Variants in NME7 observed in about 807,000 individuals in gnomAD.
NME7 encodes nucleoside diphosphate kinase 7.
A neutral mutation model predicts 49.1 loss-of-function variants in NME7; 41 were observed. The observed-to-expected ratio is 0.83, with a 90% confidence interval of 0.65 to 1.08. NME7 has a LOEUF of 1.08. Among genes scored for constraint, NME7 ranks in the 50% least tolerant of loss-of-function variants. The probability of loss-of-function intolerance (pLI) is 0.00; values close to 1 mark genes in which losing one functional copy is unlikely to be tolerated. For missense variants in NME7, 423 were observed against 463.4 expected (o/e 0.91, Z 0.80); for synonymous variants, 139 against 150.6 (o/e 0.92, Z 0.56).
Position 169,230,783 on chromosome 1 carries a change from C to T in NME7, c.925G>A (p.Ala309Thr). 1 of 1,607,070 alleles carries T rather than the reference C, an allele frequency of 6.2e-7. No individual in the cohort carries two copies. Among genetic ancestry groups the T allele is most frequent in the Non-Finnish European group, 8.5e-7 (1 of 1,176,958 alleles). Residue 309 changes from alanine (A) to threonine (T), a missense_variant, in exon 10 of 12, where the codon GCA (alanine) becomes ACA (threonine). By Grantham distance (58) the Ala-to-Thr change is moderately conservative (BLOSUM62 0). Coordinates refer to ENST00000367811, the MANE Select transcript of NME7 (RefSeq NM_013330.5). ...GCATTATTCTGTTGAATCTCCATTG[C>T]TACACAAGGGCCAGAATACATTTCT... ...VTEMYSGPCV[A>T]MEIQQNNATK... is the part of the protein sequence containing the mutation.
At chr1:169,289,158 C>A (rs145452004) in intron 6 of NME7, among the ~76,000 whole-genome samples, 2 of 152,214 alleles carry the variant, frequency 1.3e-5, no homozygotes, top group Non-Finnish European at 2.9e-5. Flanking sequence ...TTATTCTCAG[C>A]CCTCACCTTA....
rs1649627218 is a variant in NME7 at position 169,274,636 on chromosome 1, T to C, written c.754+12667A>G. 2.2e-5 allele frequency among the ~76,000 whole-genome samples: 3 copies of C among 133,884 alleles called. 1 individual carries two copies. The highest frequency in any genetic ancestry group is 7.6e-5 in the African/African-American group (3 of 39,550). The allele number at this position is 133,884 out of a possible 152,430, so 87.8% of individuals were successfully genotyped here. Reference sequence around the variant, plus strand: ...AAGTCTTTAATCCATCTTGAATTAATTTTTGTATAAGGTGTAAGGAAGGGA... The same window carrying C: ...AAGTCTTTAATCCATCTTGAATTAACTTTTGTATAAGGTGTAAGGAAGGGA... On this transcript the variant is annotated intron_variant, in intron 7 of 11. Transcript: ENST00000367811.
chr1:169,279,731 T>A (rs1021913375), intron 7 of NME7, among the ~76,000 whole-genome samples: 1 of 152,352 alleles, frequency 6.6e-6, no homozygotes, highest in Non-Finnish European at 1.5e-5. Flanking sequence ...CCTAGTGAGA[T>A]GAACCCGGTA....
At chr1:169,263,596 T>C (rs1452883925) in intron 7 of NME7, among the ~76,000 whole-genome samples, 1 of 133,588 alleles carries the variant, frequency 7.5e-6, no homozygotes, top group African/African-American at 2.5e-5. Context: ...CTGAGAAATA[T>C]GGAATTATGT....
At chr1:169,267,532 C>T (rs560961003) in intron 7 of NME7, among the ~76,000 whole-genome samples, 2 of 127,014 alleles carry the variant, frequency 1.6e-5, no homozygotes, top group Non-Finnish European at 3.6e-5. Context: ...TACAAGGCTA[C>T]AGTAACCAAA....
chr1:169,283,192 T>C (rs766385595), intron 7 of NME7, among the ~76,000 whole-genome samples: 1 of 152,184 alleles, frequency 6.6e-6, no homozygotes, highest in Non-Finnish European at 1.5e-5. Context: ...CCCTTTACCA[T>C]TAATGTAATG....
intron 10 of NME7, among the ~76,000 whole-genome samples, chr1:169,219,638 G>C (rs1661081348): frequency 6.6e-6 from 1 of 152,150 alleles, no homozygotes; most frequent in Admixed American, 6.5e-5. Context: ...GAGCTCAAGT[G>C]ATCCTTACAC....
At chr1:169,197,136 A>G (rs1557983662) in intron 10 of NME7, among the ~76,000 whole-genome samples, 1 of 152,134 alleles carries the variant, frequency 6.6e-6, no homozygotes, top group Non-Finnish European at 1.5e-5. Context: ...AAGAGTACCT[A>G]TATTTCACCA....
chr1:169,234,391 G>C (rs1225565274), intron 9 of NME7, among the ~76,000 whole-genome samples: 1 of 151,850 alleles, frequency 6.6e-6, no homozygotes, highest in Non-Finnish European at 1.5e-5. Context: ...GCATGAGATA[G>C]GAATTATCAC....
At chr1:169,192,501 T>C (rs953462017) in intron 10 of NME7, among the ~76,000 whole-genome samples, 7 of 152,134 alleles carry the variant, frequency 4.6e-5, no homozygotes, top group African/African-American at 1.7e-4. Context: ...ATGCAATTAC[T>C]ACACTATTTT....
At chr1:169,250,008 C>G (rs1444139954) in intron 7 of NME7, among the ~76,000 whole-genome samples, 1 of 151,932 alleles carries the variant, frequency 6.6e-6, no homozygotes, top group African/African-American at 2.4e-5. Context: ...TAGGGAGGAT[C>G]CCTCTTTCTT....
chr1:169,217,067 A>AT (rs1660991180), intron 10 of NME7, among the ~76,000 whole-genome samples: 1 of 152,202 alleles, frequency 6.6e-6, no homozygotes, highest in African/African-American at 2.4e-5. Flanking sequence ...TACACCTTAA[A>AT]TTTTTATAGT....
intron 1 of NME7, among the ~76,000 whole-genome samples, chr1:169,337,241 C>G (rs1317728324): frequency 1.3e-5 from 2 of 152,224 alleles, no homozygotes; most frequent in Non-Finnish European, 2.9e-5. Flanking sequence ...AGCTAAGGCA[C>G]GCGGTGAGAA....
chr1:169,357,896 A>G (rs566238142), intron 1 of NME7, among the ~76,000 whole-genome samples: 67 of 152,170 alleles, frequency 4.4e-4, no homozygotes, highest in African/African-American at 1.6e-3. Context: ...ATATTCAGGG[A>G]TCTCACACCT....
chr1:169,325,323 A>G lies in NME7; in HGVS notation c.4-823T>C, dbSNP rs568045927. Among the ~76,000 whole-genome samples the G allele has an allele frequency of 2.3e-3, 348 of 152,276 alleles. 1 individual carries two copies. Among genetic ancestry groups the G allele is most frequent in the African/African-American group, 8.0e-3 (334 of 41,548 alleles). Reference sequence around the variant, plus strand: ...AGCTTTAGTATCCCTGCTCCTCTCAATCAGTGGCTGGGAGCAGCCTTTGGG... The same window carrying G: ...AGCTTTAGTATCCCTGCTCCTCTCAGTCAGTGGCTGGGAGCAGCCTTTGGG... On this transcript the variant is annotated intron_variant, in intron 1 of 11. Transcript: ENST00000367811.
intron 1 of NME7, among the ~76,000 whole-genome samples, chr1:169,332,400 A>G (rs1242788519): frequency 6.6e-6 from 1 of 152,226 alleles, no homozygotes; most frequent in Non-Finnish European, 1.5e-5. Context: ...TCTCTAGGAC[A>G]TTGGTCTGGG....
At position 169,332,113 on chromosome 1, in the gene NME7, A is replaced by G. The variant is rs139529767; in HGVS notation, c.4-7613T>C. ...ACCCAAACATCATGGTACTGACATA[A>G]AAACAGACACATAGACCAATGGAAC... On this transcript the variant is annotated intron_variant, in intron 1 of 11. Coordinates refer to ENST00000367811, the MANE Select transcript of NME7 (RefSeq NM_013330.5). Among the ~76,000 whole-genome samples, 91 of 152,270 alleles carry G rather than the reference A, an allele frequency of 6.0e-4. 1 individual carries two copies. The East Asian group carries it at 0.017, about 29-fold the overall frequency.
chr1:169,219,768 C>T (rs910211261), intron 10 of NME7, among the ~76,000 whole-genome samples: 5 of 152,136 alleles, frequency 3.3e-5, no homozygotes, highest in African/African-American at 7.2e-5. Flanking sequence ...AGGGTCTCAA[C>T]TCCTCTTTGA....
At chr1:169,355,143 TAATATAC>T (rs1653377337) in intron 1 of NME7, among the ~76,000 whole-genome samples, 6 of 42,008 alleles carry the variant, frequency 1.4e-4, no homozygotes, top group Admixed American at 5.2e-4. Context: ...ATATAATATA[TAATATAC>T]TATATATTAT....
Sources: gnomAD v4.1 joint callset for allele counts (sites outside exome capture counted in the v4.1 genomes callset) on GRCh38, gnomAD v4.1.1 for gene constraint, MANE v1.5 for transcripts, NCBI Gene and HGNC (gene_info 2026-07-23, HGNC 2026-07-21) for gene names.